Variants in PRKCE observed in about 807,000 individuals in gnomAD.
The protein encoded by PRKCE is protein kinase C epsilon.
In PRKCE, 16 loss-of-function variants were observed where a neutral mutation model predicts 85.4. The ratio of observed to expected loss-of-function variants is 0.19; its 90% CI spans 0.13 to 0.28. PRKCE has a LOEUF of 0.28. Among genes scored for constraint, PRKCE ranks in the 10% least tolerant of loss-of-function variants. The pLI is 1.00. For synonymous variants in PRKCE, 388 were observed against 371.5 expected (o/e 1.04, Z -0.51); for missense variants, 573 against 975.2 (o/e 0.59, Z 5.49).
intron 1 of PRKCE, among the ~76,000 whole-genome samples, chr2:45,658,535 C>T (rs891533842): frequency 6.6e-6 from 1 of 152,218 alleles, no homozygotes; most frequent in African/African-American, 2.4e-5. Context: ...CCACCACTCA[C>T]TAGTTGTGTG....
At chr2:45,990,872 G>A (rs1460425256) in intron 6 of PRKCE, among the ~76,000 whole-genome samples, 1 of 151,980 alleles carries the variant, frequency 6.6e-6, no homozygotes, top group Admixed American at 6.6e-5. Flanking sequence ...ATGTTGGCCA[G>A]GCTGGTCTCA....
At chr2:46,021,930 G>A (rs1706704347) in intron 10 of PRKCE, among the ~76,000 whole-genome samples, 1 of 152,166 alleles carries the variant, frequency 6.6e-6, no homozygotes, top group Admixed American at 6.5e-5. Context: ...TTCATAGGGA[G>A]CTTCTACATA....
At chr2:45,944,684 T>TTTTTTTTA (rs1700120657) in intron 2 of PRKCE, among the ~76,000 whole-genome samples, 1 of 126,796 alleles carries the variant, frequency 7.9e-6, no homozygotes, top group Non-Finnish European at 1.7e-5. Context: ...TTTTTTTTTG[T>TTTTTTTTA]AGAGACAGGA....
chr2:45,963,193 AG>A (rs1404341782), intron 2 of PRKCE, among the ~76,000 whole-genome samples: 3 of 152,188 alleles, frequency 2.0e-5, no homozygotes, highest in Non-Finnish European at 4.4e-5. Context: ...CCAAAAAACC[AG>A]GGAGAGTAGA....
At chr2:45,669,525 GC>G in intron 1 of PRKCE, among the ~76,000 whole-genome samples, 1 of 152,296 alleles carries the variant, frequency 6.6e-6, no homozygotes, top group East Asian at 1.9e-4. Flanking sequence ...TACAGTGGGG[GC>G]TCCAATAGAG....
chr2:45,875,303 T>C (rs1694392390), intron 2 of PRKCE, among the ~76,000 whole-genome samples: 1 of 152,238 alleles, frequency 6.6e-6, no homozygotes, highest in African/African-American at 2.4e-5. Flanking sequence ...CCACAGCATA[T>C]CTGATCTGTG....
intron 2 of PRKCE, among the ~76,000 whole-genome samples, chr2:45,865,815 C>CTTTTTTT (rs36102606): frequency 1.5e-5 from 2 of 133,668 alleles, no homozygotes; most frequent in African/African-American, 2.8e-5. Flanking sequence ...TCTTCTTCTT[C>CTTTTTTT]TTTTTTTTTT....
chr2:45,937,506 A>G (rs1351194009), intron 2 of PRKCE, among the ~76,000 whole-genome samples: 1 of 152,182 alleles, frequency 6.6e-6, no homozygotes, highest in Non-Finnish European at 1.5e-5. Context: ...AGGTCAGGAG[A>G]TGAAGACCAT....
intron 10 of PRKCE, among the ~76,000 whole-genome samples, chr2:46,053,280 T>A (rs781527867): frequency 6.6e-6 from 1 of 152,186 alleles, no homozygotes; most frequent in Non-Finnish European, 1.5e-5. Flanking sequence ...GACCTTATTA[T>A]GTTATAAGGG....
intron 11 of PRKCE, among the ~76,000 whole-genome samples, chr2:46,125,328 G>C (rs1458228911): frequency 1.3e-5 from 2 of 152,194 alleles, no homozygotes; most frequent in Non-Finnish European, 2.9e-5. Context: ...CTGATGTACT[G>C]TGCCTCTCTA....
At chr2:45,800,590 C>T (rs1418949450) in intron 1 of PRKCE, among the ~76,000 whole-genome samples, 1 of 152,212 alleles carries the variant, frequency 6.6e-6, no homozygotes, top group Admixed American at 6.5e-5. Flanking sequence ...GGAGTAAGTT[C>T]TGGAGAGAAG....
At chr2:45,817,494 CCATCCTGGCTAA>C (rs1416278698) in intron 1 of PRKCE, among the ~76,000 whole-genome samples, 1 of 151,748 alleles carries the variant, frequency 6.6e-6, no homozygotes, top group East Asian at 1.9e-4. Flanking sequence ...GAGATCGAGA[CCATCCTGGCTAA>C]CACGGTGAAA....
At chr2:45,680,562 G>C (rs1572921709) in intron 1 of PRKCE, among the ~76,000 whole-genome samples, 1 of 152,218 alleles carries the variant, frequency 6.6e-6, no homozygotes, top group Admixed American at 6.5e-5. Context: ...AACGGGGAAA[G>C]TAAGATAAAA....
intron 1 of PRKCE, among the ~76,000 whole-genome samples, chr2:45,719,828 G>A (rs1208528454): frequency 6.6e-6 from 1 of 152,184 alleles, no homozygotes; most frequent in Admixed American, 6.5e-5. Flanking sequence ...GGGAGGCCAA[G>A]GCAGGAGGAT....
At chr2:46,176,054 T>TA (rs1679390781) in intron 14 of PRKCE, among the ~76,000 whole-genome samples, 1 of 152,092 alleles carries the variant, frequency 6.6e-6, no homozygotes, top group African/African-American at 2.4e-5. Context: ...GTGTTTGGTT[T>TA]TTATGCACAG....
At chr2:45,980,890 A>C (rs1211366991) in intron 5 of PRKCE, among the ~76,000 whole-genome samples, 2 of 152,198 alleles carry the variant, frequency 1.3e-5, no homozygotes, top group Non-Finnish European at 2.9e-5. Context: ...ACTTTAACAT[A>C]TATTATTTAA....
chr2:45,864,525 T>A (rs1693427916), intron 2 of PRKCE, among the ~76,000 whole-genome samples: 1 of 152,228 alleles, frequency 6.6e-6, no homozygotes, highest in Non-Finnish European at 1.5e-5. Flanking sequence ...GCCTTCTTAA[T>A]GTACTGAGAA....
At chr2:45,946,411 C>T (rs1700248172) in intron 2 of PRKCE, among the ~76,000 whole-genome samples, 1 of 152,346 alleles carries the variant, frequency 6.6e-6, no homozygotes, top group South Asian at 2.1e-4. Flanking sequence ...TGGCTCAGCT[C>T]TTCCCAGGGC....
At chr2:46,066,862 T>G (rs192708294) in intron 10 of PRKCE, among the ~76,000 whole-genome samples, 126 of 152,274 alleles carry the variant, frequency 8.3e-4, no homozygotes, top group Non-Finnish European at 1.5e-3. Context: ...TTGGCAGAGT[T>G]TTATCTTCTC....
Sources: gnomAD v4.1 joint callset for allele counts (sites outside exome capture counted in the v4.1 genomes callset) on GRCh38, gnomAD v4.1.1 for gene constraint, MANE v1.5 for transcripts, NCBI Gene and HGNC (gene_info 2026-07-23, HGNC 2026-07-21) for gene names.